Variants in PPFIA4 observed in about 807,000 individuals in gnomAD.
PPFIA4 encodes the protein liprin-alpha-4.
PPFIA4 carries 98 observed loss-of-function variants against 145.7 expected under a neutral mutation model. That is an observed-to-expected ratio of 0.67 (90% CI 0.57 to 0.80). The LOEUF (loss-of-function observed/expected upper bound fraction) is 0.80. Ranked by LOEUF, PPFIA4 falls within the 30% of genes least tolerant of loss-of-function variation. The pLI is 0.00. For missense variants in PPFIA4, 1,457 were observed against 1,632.7 expected (o/e 0.89, Z 1.85); for synonymous variants, 628 against 649.6 (o/e 0.97, Z 0.51).
Position 203,060,207 on chromosome 1 carries a change from G to T in PPFIA4, c.2584-10G>T, listed in dbSNP as rs1256690558. On this transcript the variant is annotated splice_polypyrimidine_tract_variant and intron_variant, in intron 21 of 29. Transcript: ENST00000295706. The surrounding 1 kb of genome is among the most constrained non-coding windows in gnomAD (Gnocchi z 4.8). ...GCCTTGAATTACCTCCCTGTGCCCG[G>T]TGTCTGCAGCTCTGGGTGGGGATGC... 32 of 1,613,218 alleles carry T rather than the reference G, an allele frequency of 2.0e-5. No homozygotes were observed. The highest frequency in any genetic ancestry group is 2.6e-5 in the Non-Finnish European group (31 of 1,179,768).
rs1553262416 is a variant in PPFIA4 at position 203,077,149 on chromosome 1, TAAG to T, written c.*763_*765del. The stretch of plus-strand genomic sequence containing the variant: ...GGGGAAACTCTAAGCTCCCACCTAA[TAAG>T]AAGCATAGGCAGACCAGCCAGAGGG... On this transcript the variant is annotated 3_prime_UTR_variant, in exon 30 of 30. Transcript: ENST00000295706. 1 of 152,202 alleles carries T rather than the reference TAAG, an allele frequency of 6.6e-6. No homozygotes were observed. The highest frequency in any genetic ancestry group is 1.5e-5 in the Non-Finnish European group (1 of 68,086). The allele number at this position is 152,202 out of a possible 1,614,324, so 9.4% of individuals were successfully genotyped here. A position where few individuals can be genotyped will look rare whatever the true frequency, so the allele number is the denominator to read the frequency against.
intron 28 of PPFIA4, among the ~76,000 whole-genome samples, chr1:203,073,657 G>C (rs115402627): frequency 6.6e-6 from 1 of 152,090 alleles, no homozygotes; most frequent in African/African-American, 2.4e-5. Context: ...TCTTAAGGGC[G>C]GTATCCAGTT....
At chr1:203,037,898 C>T (rs1029151501) in intron 1 of PPFIA4, among the ~76,000 whole-genome samples, 1 of 152,168 alleles carries the variant, frequency 6.6e-6, no homozygotes, top group African/African-American at 2.4e-5. Flanking sequence ...CTGTGAACTC[C>T]GAATCCAAGC....
chr1:203,035,348 G>A (rs1367568104), intron 1 of PPFIA4: 3 of 455,888 alleles, frequency 6.6e-6, no homozygotes, highest in Non-Finnish European at 1.3e-5. Flanking sequence ...CCAGGCCTGT[G>A]TGTGGGGCCA....
At chr1:203,044,924 CTTCT>C in intron 6 of PPFIA4, 139 bp downstream of exon 6, 1 of 752,768 alleles carries the variant, frequency 1.3e-6, no homozygotes. Context: ...CTTCTCTTTT[CTTCT>C]TCTCCCTACC....
At chr1:203,062,753 C>A (rs1195266850) in intron 24 of PPFIA4, among the ~76,000 whole-genome samples, 2 of 152,104 alleles carry the variant, frequency 1.3e-5, no homozygotes, top group African/African-American at 4.8e-5. Flanking sequence ...TCCCAAAACT[C>A]AAAACCAAAC....
Position 203,075,453 on chromosome 1 carries a change from C to T in PPFIA4, c.3394-124C>T. 1.4e-6 allele frequency: 1 copy of T among 736,106 alleles called. No homozygotes were observed. The highest frequency in any genetic ancestry group is 1.9e-6 in the Non-Finnish European group (1 of 529,224). The allele number at this position is 736,106 out of a possible 1,614,324, so 45.6% of individuals were successfully genotyped here. A position where few individuals can be genotyped will look rare whatever the true frequency, so the allele number is the denominator to read the frequency against. On this transcript the variant is annotated intron_variant, in intron 28 of 29. Coordinates refer to ENST00000295706, the MANE Select transcript of PPFIA4 (RefSeq NM_001304331.2). This position sits in a 1 kb window ranked among gnomAD's most constrained non-coding sequence, Gnocchi z 4.1. ...GCTAGAAAGGGGAAGTGACCTCGCT[C>T]CCTCTTTCCAAAGGGGTGGGAGTGG...
chr1:203,076,103 G>A, intron 29 of PPFIA4: 1 of 600,822 alleles, frequency 1.7e-6, no homozygotes, highest in Non-Finnish European at 2.9e-6. Flanking sequence ...CGGGGACGCG[G>A]GCACCTTGCT....
chr1:203,032,041 C>CGTGTGTGTGTGTGTGT (rs66626205), intron 1 of PPFIA4, among the ~76,000 whole-genome samples: 5,537 of 146,366 alleles, frequency 0.038, 154 homozygotes, highest in Non-Finnish European at 0.048. Flanking sequence ...TCTGAGAGAA[C>CGTGTGTGTGTGTGTGT]GTGTGTGTGT....
At chr1:203,072,976 A>C (rs998814233) in intron 28 of PPFIA4, among the ~76,000 whole-genome samples, 1 of 144,892 alleles carries the variant, frequency 6.9e-6, no homozygotes, top group African/African-American at 2.6e-5. Context: ...CTAATTCCAC[A>C]TGCACTCAGG....
At position 203,060,259 on chromosome 1, in the gene PPFIA4, G is replaced by A. The variant is rs543865819; in HGVS notation, c.2626G>A (p.Ala876Thr). The A allele has an allele frequency of 1.4e-5, 22 of 1,614,134 alleles. No homozygotes were observed. The South Asian group carries it at 2.2e-4, about 16-fold the overall frequency. ...TGCCTGGTATGTGGCAGCCTGCCGG[G>A]CCAACGTCAAGAGTGGTGCCATCAT... ...MPAWYVAACRANVKSGAIMSA... is the reference protein window; with the variant it reads ...MPAWYVAACRTNVKSGAIMSA... The change falls in exon 22 of 30, where the codon GCC becomes ACC. Residue 876 changes from alanine to threonine, a missense_variant. Coordinates refer to ENST00000295706, the MANE Select transcript of PPFIA4 (RefSeq NM_001304331.2). The surrounding 1 kb of genome is among the most constrained non-coding windows in gnomAD (Gnocchi z 4.8).
At chr1:203,040,598 C>T (rs1018972610) in intron 2 of PPFIA4, among the ~76,000 whole-genome samples, 29 of 152,198 alleles carry the variant, frequency 1.9e-4, no homozygotes, top group Admixed American at 7.2e-4. Flanking sequence ...GAAGGAGATA[C>T]ACCACCCATG....
chr1:203,046,237 C>G lies in PPFIA4; in HGVS notation c.1006-11C>G, dbSNP rs749926016. On this transcript the variant is annotated splice_polypyrimidine_tract_variant and intron_variant, in intron 8 of 29. Coordinates refer to ENST00000295706, the MANE Select transcript of PPFIA4 (RefSeq NM_001304331.2). ...CCCTTTTGAATCACTTCACCACCCC[C>G]ACATTGCTAGTGTGAGGAGAAGGCC... is the stretch of plus-strand genomic sequence containing the variant. 1 of 1,583,478 alleles carries G rather than the reference C, an allele frequency of 6.3e-7. No homozygotes were observed. Among genetic ancestry groups the G allele is most frequent in the South Asian group, 1.2e-5 (1 of 86,944 alleles).
intron 27 of PPFIA4, among the ~76,000 whole-genome samples, chr1:203,070,665 C>T (rs1277497861): frequency 6.7e-6 from 1 of 149,322 alleles, no homozygotes. Flanking sequence ...TTTCTGAAAA[C>T]TCTGAATGAG....
chr1:203,044,661 C>G, intron 5 of PPFIA4, 35 bp from the exon 6 acceptor site: 1 of 1,529,426 alleles, frequency 6.5e-7, no homozygotes, highest in East Asian at 2.4e-5. Flanking sequence ...GTTCTCTTCT[C>G]TTTGACTCAT....
At position 203,061,634 on chromosome 1, in the gene PPFIA4, T is replaced by C. The variant is rs1466573795; in HGVS notation, c.2848-18T>C. 2 of 1,561,086 alleles carry C rather than the reference T, an allele frequency of 1.3e-6. No homozygotes were observed. Among genetic ancestry groups the C allele is most frequent in the East Asian group, 2.4e-5 (1 of 41,706 alleles). On this transcript the variant is annotated intron_variant, in intron 23 of 29. Transcript: ENST00000295706. ...ACTTTGCCTGTTTCCCCTAACACGC[T>C]GCACTCGTTCCTGCTAGGACAGTGA...
intron 25 of PPFIA4, 105 bp downstream of exon 25, chr1:203,064,108 G>T: frequency 8.0e-7 from 1 of 1,247,756 alleles, no homozygotes; most frequent in South Asian, 1.5e-5. Flanking sequence ...TCCGTGGTCT[G>T]TTCTGAGTGG....
In PPFIA4 at chr1:203,043,292, G is replaced by A; in HGVS notation, c.235-105G>A. ...GGATTGGGATTTTGTGGGGGAGGTG[G>A]TGGAAGTAAGGGATGGGTGAGAGGA... On this transcript the variant is annotated intron_variant, in intron 2 of 29. Coordinates refer to ENST00000295706, the MANE Select transcript of PPFIA4 (RefSeq NM_001304331.2). This position sits in a 1 kb window ranked among gnomAD's most constrained non-coding sequence, Gnocchi z 4.4. 2 of 948,622 alleles carry A rather than the reference G, an allele frequency of 2.1e-6. No individual in the cohort carries two copies. The highest frequency in any genetic ancestry group is 3.3e-6 in the Non-Finnish European group (2 of 612,734). The allele number at this position is 948,622 out of a possible 1,614,324, so 58.8% of individuals were successfully genotyped here.
chr1:203,058,745 G>A (rs1489493848), intron 19 of PPFIA4, among the ~76,000 whole-genome samples: 1 of 152,154 alleles, frequency 6.6e-6, no homozygotes, highest in African/African-American at 2.4e-5. Flanking sequence ...CCCAGAGAAG[G>A]AGGCTCAGAG....
Sources: gnomAD v4.1 joint callset for allele counts (sites outside exome capture counted in the v4.1 genomes callset) on GRCh38, gnomAD v4.1.1 for gene constraint, Gnocchi (gnomAD v3.1) non-coding constraint, MANE v1.5 for transcripts, NCBI Gene and HGNC (gene_info 2026-07-23, HGNC 2026-07-21) for gene names.